ADAM10: variants seen among roughly 807,000 people sequenced by gnomAD.
ADAM10 encodes ADAM metallopeptidase domain 10.
In ADAM10, 17 loss-of-function variants were observed where a neutral mutation model predicts 90.1. The ratio of observed to expected loss-of-function variants is 0.19; its 90% CI spans 0.13 to 0.28. The LOEUF is 0.28. Among genes scored for constraint, ADAM10 ranks in the 10% least tolerant of loss-of-function variants. The probability of loss-of-function intolerance (pLI) is 1.00; values close to 1 mark genes in which losing one functional copy is unlikely to be tolerated. For missense variants in ADAM10, 610 were observed against 914.3 expected (o/e 0.67, Z 4.29); for synonymous variants, 310 against 298.6 (o/e 1.04, Z -0.40).
Position 58,593,065 on chromosome 15 carries a change from A to T in ADAM10, c.*4482T>A, listed in dbSNP as rs987837310. ...GATATACATTATCAATGTACCATTAAATGAGAAAGGTGGGTTACAAAAGTG... is the reference window on the plus strand; with the variant it reads ...GATATACATTATCAATGTACCATTATATGAGAAAGGTGGGTTACAAAAGTG... On this transcript the variant is annotated 3_prime_UTR_variant, in exon 16 of 16. Coordinates refer to ENST00000260408, the MANE Select transcript of ADAM10 (RefSeq NM_001110.4). 2.1e-4 allele frequency: 31 copies of T among 150,398 alleles called. No individual in the cohort carries two copies. The highest frequency in any genetic ancestry group is 1.9e-3 in the Admixed American group (28 of 15,128). 9.3% of individuals were successfully genotyped at this position (150,398 alleles called of 1,614,324 possible).
chr15:58,695,740 G>C (rs1376164789), intron 2 of ADAM10, among the ~76,000 whole-genome samples: 2 of 152,082 alleles, frequency 1.3e-5, no homozygotes, highest in African/African-American at 4.8e-5. Context: ...CCAACATTTT[G>C]GGAGGCTGAG....
intron 5 of ADAM10, among the ~76,000 whole-genome samples, chr15:58,658,080 G>A (rs372299613): frequency 1.3e-5 from 2 of 152,026 alleles, no homozygotes; most frequent in South Asian, 2.1e-4. Flanking sequence ...GAATTTTTGT[G>A]CCTTGAGAAA....
At chr15:58,679,677 G>A (rs573787454) in intron 3 of ADAM10, among the ~76,000 whole-genome samples, 13 of 152,216 alleles carry the variant, frequency 8.5e-5, no homozygotes, top group Admixed American at 2.6e-4. Context: ...GGCCGAGGTG[G>A]GCAGATCACT....
intron 1 of ADAM10, among the ~76,000 whole-genome samples, chr15:58,735,321 C>T (rs1053611870): frequency 6.6e-6 from 1 of 152,142 alleles, no homozygotes; most frequent in Non-Finnish European, 1.5e-5. Context: ...GATATATTAC[C>T]TACGCAGGAC....
At chr15:58,724,473 G>A (rs1425656519) in intron 1 of ADAM10, among the ~76,000 whole-genome samples, 1 of 152,164 alleles carries the variant, frequency 6.6e-6, no homozygotes, top group African/African-American at 2.4e-5. Flanking sequence ...CAAATGAAGT[G>A]AGATCTACTA....
At chr15:58,612,658 G>A (rs979724672) in intron 11 of ADAM10, among the ~76,000 whole-genome samples, 8 of 152,090 alleles carry the variant, frequency 5.3e-5, no homozygotes, top group Non-Finnish European at 1.2e-4. Flanking sequence ...GACCCAACTC[G>A]TCACTGAGTC....
intron 15 of ADAM10, 100 bp from the exon 16 acceptor site, chr15:58,597,741 T>C: frequency 7.5e-7 from 1 of 1,325,664 alleles, no homozygotes. Context: ...TTTAGTTCAG[T>C]GCTGTCCAAT....
intron 2 of ADAM10, chr15:58,692,689 T>C (rs1192075791): frequency 8.9e-6 from 5 of 563,750 alleles, no homozygotes; most frequent in South Asian, 7.0e-5. Context: ...GGGCTCACCA[T>C]GGTCAACATG....
At chr15:58,730,816 A>G (rs532602726) in intron 1 of ADAM10, among the ~76,000 whole-genome samples, 1 of 152,312 alleles carries the variant, frequency 6.6e-6, no homozygotes, top group South Asian at 2.1e-4. Context: ...GCCAGGAAAA[A>G]AACAAAAAGG....
chr15:58,630,233 T>C (rs1471189835), intron 9 of ADAM10, among the ~76,000 whole-genome samples: 2 of 152,204 alleles, frequency 1.3e-5, no homozygotes, highest in Non-Finnish European at 1.5e-5. Context: ...AATAAAACTA[T>C]GATGGTCATA....
chr15:58,715,308 G>C (rs1303728476), intron 2 of ADAM10, among the ~76,000 whole-genome samples: 1 of 151,610 alleles, frequency 6.6e-6, no homozygotes, highest in African/African-American at 2.4e-5. Context: ...TGTAGTCCCA[G>C]CTACTTGGGA....
chr15:58,739,903 G>A (rs1899550717), intron 1 of ADAM10, among the ~76,000 whole-genome samples: 1 of 152,188 alleles, frequency 6.6e-6, no homozygotes, highest in Non-Finnish European at 1.5e-5. Context: ...GAAAACGGGT[G>A]CATAACATGT....
At chr15:58,619,186 G>C (rs1895706188) in intron 11 of ADAM10, among the ~76,000 whole-genome samples, 1 of 152,056 alleles carries the variant, frequency 6.6e-6, no homozygotes, top group African/African-American at 2.4e-5. Context: ...GCAATAACAT[G>C]AACGGAAATA....
chr15:58,614,290 TAAAAAGAAAGA>T (rs142238096), intron 11 of ADAM10, among the ~76,000 whole-genome samples: 67,840 of 141,176 alleles, frequency 0.48, 16,751 homozygotes, highest in East Asian at 0.93. Flanking sequence ...TGTCTCAAAA[TAAAAAGAAAGA>T]AAAAAGAAAG....
At chr15:58,664,975 A>T in intron 5 of ADAM10, 122 bp downstream of exon 5, 1 of 826,120 alleles carries the variant, frequency 1.2e-6, no homozygotes, top group South Asian at 1.4e-5. Context: ...TGAGCATTAA[A>T]AAACATTCCC....
intron 2 of ADAM10, among the ~76,000 whole-genome samples, chr15:58,713,036 T>C (rs1287888151): frequency 6.6e-6 from 1 of 152,170 alleles, no homozygotes; most frequent in Non-Finnish European, 1.5e-5. Context: ...GAGGATGACA[T>C]AGAGTATAAA....
chr15:58,720,335 T>C (rs755400641), intron 1 of ADAM10, among the ~76,000 whole-genome samples: 1 of 152,250 alleles, frequency 6.6e-6, no homozygotes, highest in South Asian at 2.1e-4. Flanking sequence ...GTGAAGCCAA[T>C]GTCTAAGAGA....
chr15:58,734,167 CA>C (rs1157170319), intron 1 of ADAM10, among the ~76,000 whole-genome samples: 2 of 152,156 alleles, frequency 1.3e-5, no homozygotes, highest in Non-Finnish European at 2.9e-5. Flanking sequence ...CTGATTACAT[CA>C]ATTTCTTGTT....
Position 58,709,537 on chromosome 15 carries a change from G to A in ADAM10, c.206+8040C>T, listed in dbSNP as rs533348809. On this transcript the variant is annotated intron_variant, in intron 2 of 15. Coordinates refer to ENST00000260408, the MANE Select transcript of ADAM10 (RefSeq NM_001110.4). ...GCAGATCATCTGAGGTCAGGAGTTC[G>A]AGACCAGCCTGGCCAACATAGTGAA... is the stretch of plus-strand genomic sequence containing the variant. Among the ~76,000 whole-genome samples the A allele has an allele frequency of 5.3e-5, 8 of 151,994 alleles. No homozygotes were observed. The South Asian group carries it at 1.2e-3, about 24-fold the overall frequency.
Sources: allele counts gnomAD v4.1 joint callset (sites outside exome capture counted in the v4.1 genomes callset), GRCh38; gene constraint gnomAD v4.1.1; transcripts MANE v1.5; gene names NCBI Gene and HGNC (gene_info 2026-07-23, HGNC 2026-07-21).